Variants in SLC39A11 observed in about 807,000 individuals in gnomAD.
SLC39A11 encodes the protein solute carrier family 39 member 11, also known as zinc transporter ZIP11.
In SLC39A11, 33 loss-of-function variants were observed where a neutral mutation model predicts 36.1. The ratio of observed to expected loss-of-function variants is 0.91; its 90% confidence interval spans 0.69 to 1.22. The LOEUF (loss-of-function observed/expected upper bound fraction) is 1.22, where lower values mean the gene tolerates loss of function less well. SLC39A11 is among the 50% of genes most tolerant of loss of function. SLC39A11 has a pLI of 0.00. For missense variants in SLC39A11, 432 were observed against 430.3 expected (o/e 1.00, Z -0.03); for synonymous variants, 166 against 170.3 (o/e 0.97, Z 0.20).
At chr17:72,655,188 C>A (rs1440488381) in intron 7 of SLC39A11, among the ~76,000 whole-genome samples, 1 of 152,264 alleles carries the variant, frequency 6.6e-6, no homozygotes, top group Non-Finnish European at 1.5e-5. Flanking sequence ...ACCTGTCATG[C>A]ACAACACTGC....
intron 5 of SLC39A11, among the ~76,000 whole-genome samples, chr17:72,907,346 C>T (rs2082708104): frequency 1.3e-5 from 2 of 152,086 alleles, no homozygotes; most frequent in African/African-American, 2.4e-5. Context: ...AAAAATTAGC[C>T]AGGCACAGTG....
chr17:73,033,205 T>G (rs1243870723), intron 3 of SLC39A11, among the ~76,000 whole-genome samples: 2 of 152,210 alleles, frequency 1.3e-5, no homozygotes, highest in Non-Finnish European at 2.9e-5. Context: ...CTCACTCACT[T>G]GTCCGCTGCT....
chr17:72,917,032 G>A (rs1467850686), intron 5 of SLC39A11, among the ~76,000 whole-genome samples: 1 of 152,212 alleles, frequency 6.6e-6, no homozygotes, highest in Admixed American at 6.5e-5. Context: ...GATTTACTGG[G>A]GGATGACCAC....
chr17:73,066,428 A>G (rs760378153), intron 3 of SLC39A11, among the ~76,000 whole-genome samples: 2 of 151,986 alleles, frequency 1.3e-5, no homozygotes, highest in Non-Finnish European at 2.9e-5. Flanking sequence ...TTCTAACCAT[A>G]CTCCACATTT....
chr17:73,047,990 A>AAAAAAAAATATAT (rs1555693446), intron 3 of SLC39A11, among the ~76,000 whole-genome samples: 10 of 58,682 alleles, frequency 1.7e-4, no homozygotes, highest in Non-Finnish European at 2.4e-4. Flanking sequence ...AAAAAAAAAA[A>AAAAAAAAATATAT]ATATATATAT....
intron 7 of SLC39A11, among the ~76,000 whole-genome samples, chr17:72,670,457 A>G (rs529671439): frequency 5.3e-5 from 8 of 152,026 alleles, no homozygotes; most frequent in African/African-American, 1.7e-4. Context: ...TGCCTACAGC[A>G]ATTATTACTG....
At chr17:72,840,224 GT>G (rs2078742810) in intron 6 of SLC39A11, among the ~76,000 whole-genome samples, 1 of 152,198 alleles carries the variant, frequency 6.6e-6, no homozygotes, top group South Asian at 2.1e-4. Context: ...AAAACCAACT[GT>G]TGTGTGGTTC....
At chr17:72,699,717 G>A (rs1265937238) in intron 7 of SLC39A11, among the ~76,000 whole-genome samples, 1 of 152,234 alleles carries the variant, frequency 6.6e-6, no homozygotes, top group Non-Finnish European at 1.5e-5. Flanking sequence ...CCCTGAGACA[G>A]AGCTGGCAAG....
intron 7 of SLC39A11, among the ~76,000 whole-genome samples, chr17:72,729,449 A>T (rs1364595532): frequency 0.42 from 2,163 of 5,114 alleles, 384 homozygotes; most frequent in African/African-American, 0.47. Flanking sequence ...ATATATATAT[A>T]TATATATATT....
intron 4 of SLC39A11, among the ~76,000 whole-genome samples, chr17:73,013,421 T>C (rs148710433): frequency 6.6e-6 from 1 of 152,376 alleles, no homozygotes; most frequent in East Asian, 1.9e-4. Flanking sequence ...AGTAAGAACA[T>C]GTGATACTTG....
At chr17:72,939,307 A>G (rs1462327994) in intron 5 of SLC39A11, among the ~76,000 whole-genome samples, 1 of 152,268 alleles carries the variant, frequency 6.6e-6, no homozygotes, top group East Asian at 1.9e-4. Flanking sequence ...CTAAAAATAC[A>G]AAAATTAGCT....
intron 1 of SLC39A11, chr17:73,092,036 G>C (rs1421797401): frequency 2.0e-5 from 3 of 152,198 alleles, no homozygotes; most frequent in Non-Finnish European, 4.4e-5. Flanking sequence ...CCAGCAGAAG[G>C]ATTCAGGTCT....
At chr17:72,974,047 T>C (rs980913311) in intron 4 of SLC39A11, among the ~76,000 whole-genome samples, 1 of 152,176 alleles carries the variant, frequency 6.6e-6, no homozygotes, top group Non-Finnish European at 1.5e-5. Flanking sequence ...TATTGCCTAG[T>C]GACATCTGGA....
chr17:73,083,426 C>T (rs980712430), intron 3 of SLC39A11, among the ~76,000 whole-genome samples: 1 of 152,192 alleles, frequency 6.6e-6, no homozygotes, highest in Non-Finnish European at 1.5e-5. Context: ...GCTAGTTTTT[C>T]CAGATCGCAG....
At chr17:72,743,588 G>C (rs186322933) in intron 6 of SLC39A11, among the ~76,000 whole-genome samples, 5 of 152,276 alleles carry the variant, frequency 3.3e-5, no homozygotes, top group Non-Finnish European at 7.4e-5. Context: ...AGGTCCTGGG[G>C]GAAGACAATG....
chr17:72,927,472 G>A (rs1032211119), intron 5 of SLC39A11, among the ~76,000 whole-genome samples: 1 of 152,230 alleles, frequency 6.6e-6, no homozygotes, highest in African/African-American at 2.4e-5. Flanking sequence ...CCAATGTTCA[G>A]TAGAATGGAA....
rs771592766 is a variant in SLC39A11, at chr17:72,801,244, G to A, written c.601+48390C>T. On this transcript the variant is annotated intron_variant, in intron 6 of 9. Transcript: ENST00000255559. ...TTTTTCCTTTTCTTTTGTTTGAGAC[G>A]GAGTCTCATTCTGTCATCCATGCTG... is the stretch of plus-strand genomic sequence containing the variant. 1.3e-3 allele frequency among the ~76,000 whole-genome samples: 194 copies of A among 152,282 alleles called. 1 individual carries two copies. The highest frequency in any genetic ancestry group is 1.7e-3 in the Non-Finnish European group (114 of 68,014).
At position 72,675,612 on chromosome 17, in the gene SLC39A11, A is replaced by G. The variant is rs116972136; in HGVS notation, c.672-26344T>C. On this transcript the variant is annotated intron_variant, in intron 7 of 9. Transcript: ENST00000255559. ...GAGCACAGCCCTGGGAGTCCCAGCA[A>G]ACTGGCTGAGAACTTGGGTCTCTAG... Among the ~76,000 whole-genome samples the G allele has an allele frequency of 1.1e-4, 16 of 152,308 alleles. No homozygotes were observed. The East Asian group carries it at 2.1e-3, about 20-fold the overall frequency.
chr17:72,950,649 T>C (rs1312585687), intron 4 of SLC39A11, among the ~76,000 whole-genome samples: 1 of 152,232 alleles, frequency 6.6e-6, no homozygotes, highest in Admixed American at 6.5e-5. Context: ...ATGTGATTGA[T>C]GCGTAACTGG....
Sources: gnomAD v4.1 joint callset for allele counts (sites outside exome capture counted in the v4.1 genomes callset) on GRCh38, gnomAD v4.1.1 for gene constraint, MANE v1.5 for transcripts, NCBI Gene and HGNC (gene_info 2026-07-23, HGNC 2026-07-21) for gene names.